The following PTPRQ variants were observed in gnomAD, a reference collection of about 807,000 sequenced individuals.
PTPRQ encodes phosphatidylinositol phosphatase PTPRQ.
A neutral mutation model predicts 246.0 loss-of-function variants in PTPRQ; 199 were observed. The observed-to-expected ratio is 0.81, with a 90% CI of 0.72 to 0.91. The LOEUF (loss-of-function observed/expected upper bound fraction) is 0.91. PTPRQ is among the 40% of genes least tolerant of loss of function. PTPRQ has a pLI of 0.00. For synonymous variants in PTPRQ, 869 were observed against 853.2 expected, an observed-to-expected ratio of 1.02 and a Z score of -0.32; for missense variants, 2,624 against 2,528.4, an observed-to-expected ratio of 1.04 and a Z score of -0.81.
chr12:80,467,617 A>T (rs1464502460), intron 6 of PTPRQ, among the ~76,000 whole-genome samples: 1 of 152,162 alleles, frequency 6.6e-6, no homozygotes, highest in Non-Finnish European at 1.5e-5. Context: ...CAAATGTCCA[A>T]CAATGATAGA....
At chr12:80,536,006 C>T (rs1484321617) in intron 19 of PTPRQ, among the ~76,000 whole-genome samples, 32 of 152,188 alleles carry the variant, frequency 2.1e-4, no homozygotes, top group Non-Finnish European at 1.9e-4. Flanking sequence ...ACTGGGGAGG[C>T]TGAGGCAGGA....
chr12:80,635,119 C>T, intron 35 of PTPRQ, 46 bp downstream of exon 35: 1 of 1,543,264 alleles, frequency 6.5e-7, no homozygotes, highest in South Asian at 1.2e-5. Context: ...GGGCCTGGAG[C>T]CATGACCCTA....
intron 39 of PTPRQ, among the ~76,000 whole-genome samples, chr12:80,665,627 T>G (rs959473563): frequency 6.6e-6 from 1 of 151,976 alleles, no homozygotes; most frequent in Non-Finnish European, 1.5e-5. Context: ...AAAAATCATA[T>G]GCACACAAAG....
At chr12:80,576,148 T>C (rs1442326416) in intron 25 of PTPRQ, among the ~76,000 whole-genome samples, 1 of 152,166 alleles carries the variant, frequency 6.6e-6, no homozygotes, top group African/African-American at 2.4e-5. Flanking sequence ...ACAGGTTTTT[T>C]TTTCTTTTTG....
At chr12:80,535,563 C>T (rs531294962) in intron 19 of PTPRQ, among the ~76,000 whole-genome samples, 4 of 152,004 alleles carry the variant, frequency 2.6e-5, no homozygotes, top group East Asian at 1.9e-4. Flanking sequence ...GAAGACCACT[C>T]GGAATGTGTT....
At chr12:80,515,425 C>CTTTT (rs35189865) in intron 17 of PTPRQ, among the ~76,000 whole-genome samples, 3 of 144,136 alleles carry the variant, frequency 2.1e-5, no homozygotes, top group Admixed American at 6.9e-5. Flanking sequence ...TGAATATTTC[C>CTTTT]TTTTTTTTTT....
chr12:80,661,460 T>C (rs139199611), intron 39 of PTPRQ, among the ~76,000 whole-genome samples: 1 of 151,320 alleles, frequency 6.6e-6, no homozygotes, highest in African/African-American at 2.4e-5. Flanking sequence ...CAATATAGAA[T>C]ATGGTGATAT....
intron 25 of PTPRQ, among the ~76,000 whole-genome samples, chr12:80,557,481 A>T (rs1896677942): frequency 1.3e-5 from 2 of 151,616 alleles, no homozygotes; most frequent in South Asian, 4.2e-4. Context: ...TAAATGAATG[A>T]ATCAATCAAT....
Position 80,464,130 on chromosome 12 carries a change from C to T in PTPRQ, c.910+3228C>T, listed in dbSNP as rs1200797039. ...TGTTGTATTCAGGAAACCCATCTCA[C>T]ATGCAGAGACACACATAGGCTCAAA... On this transcript the variant is annotated intron_variant, in intron 6 of 44. Transcript: ENST00000644991. Among the ~76,000 whole-genome samples, 4 of 151,586 alleles carry T rather than the reference C, an allele frequency of 2.6e-5. No homozygotes were observed. The East Asian group carries it at 5.9e-4, about 22-fold the overall frequency.
intron 8 of PTPRQ, among the ~76,000 whole-genome samples, chr12:80,482,118 T>C (rs1016937017): frequency 2.6e-5 from 4 of 151,962 alleles, no homozygotes; most frequent in African/African-American, 4.8e-5. Flanking sequence ...TACCTGACTT[T>C]AAACTATACT....
At chr12:80,451,061 T>C (rs554663061) in intron 3 of PTPRQ, among the ~76,000 whole-genome samples, 2 of 152,216 alleles carry the variant, frequency 1.3e-5, no homozygotes, top group Non-Finnish European at 2.9e-5. Context: ...TCAGAGCCTG[T>C]TAGTGGTCTA....
At chr12:80,657,008 C>A (rs1900463838) in intron 38 of PTPRQ, among the ~76,000 whole-genome samples, 1 of 151,130 alleles carries the variant, frequency 6.6e-6, no homozygotes, top group Non-Finnish European at 1.5e-5. Context: ...ACAAATGGTA[C>A]AAAGTCATAG....
At position 80,481,639 on chromosome 12, in the gene PTPRQ, C is replaced by G. The variant is rs1592563439; in HGVS notation, c.1187-2794C>G. Among the ~76,000 whole-genome samples the G allele has an allele frequency of 5.3e-5, 8 of 152,094 alleles. 2 individuals are homozygous for G. In the Middle Eastern group the frequency reaches 0.027, roughly 517 times the overall value. Reference sequence around the variant, plus strand: ...ATCTAGAAAACCCCATTGTCTCAGCCCAAAATCTCCTTAATCTGATAAGCA... The same window carrying G: ...ATCTAGAAAACCCCATTGTCTCAGCGCAAAATCTCCTTAATCTGATAAGCA... On this transcript the variant is annotated intron_variant, in intron 8 of 44. Coordinates refer to ENST00000644991, the MANE Select transcript of PTPRQ (RefSeq NM_001145026.2).
intron 27 of PTPRQ, among the ~76,000 whole-genome samples, chr12:80,605,450 AAT>A (rs1400075376): frequency 1.3e-5 from 2 of 151,276 alleles, no homozygotes; most frequent in Non-Finnish European, 1.5e-5. Context: ...ACATTATTAT[AAT>A]ATGTTTTATC....
At chr12:80,546,808 G>A in intron 24 of PTPRQ, 111 bp downstream of exon 24, 1 of 1,320,966 alleles carries the variant, frequency 7.6e-7, no homozygotes, top group Non-Finnish European at 1.0e-6. Context: ...TACTCAAAGG[G>A]AAATTGCATT....
chr12:80,655,201 GAT>G, intron 38 of PTPRQ, among the ~76,000 whole-genome samples: 1 of 152,012 alleles, frequency 6.6e-6, no homozygotes, highest in Admixed American at 6.6e-5. Context: ...CTGAAGCTGA[GAT>G]AAAAAATTAA....
At chr12:80,634,563 T>C (rs1186617538) in intron 34 of PTPRQ, 1 of 172,170 alleles carries the variant, frequency 5.8e-6, no homozygotes, top group Non-Finnish European at 1.2e-5. Flanking sequence ...ATTGATAGCA[T>C]TGAACTATTT....
At chr12:80,638,932 T>C (rs1176403118) in intron 35 of PTPRQ, among the ~76,000 whole-genome samples, 1 of 152,216 alleles carries the variant, frequency 6.6e-6, no homozygotes, top group Non-Finnish European at 1.5e-5. Context: ...TGTTTCACAC[T>C]TACCGAATTA....
At chr12:80,444,540 T>TA in intron 1 of PTPRQ, 141 bp downstream of exon 1, 1 of 707,966 alleles carries the variant, frequency 1.4e-6, no homozygotes, top group Middle Eastern at 2.6e-4. Flanking sequence ...GTACGTTTTG[T>TA]AAGTTTTTAT....
Sources: gnomAD v4.1 joint callset for allele counts (sites outside exome capture counted in the v4.1 genomes callset) on GRCh38, gnomAD v4.1.1 for gene constraint, MANE v1.5 for transcripts, NCBI Gene and HGNC (gene_info 2026-07-23, HGNC 2026-07-21) for gene names.